MLLT10: variants seen among roughly 807,000 people sequenced by gnomAD.
The protein encoded by MLLT10 is MLLT10 histone lysine methyltransferase DOT1L cofactor.
MLLT10 carries 30 observed loss-of-function variants against 129.1 expected under a neutral mutation model. The ratio of observed to expected loss-of-function variants is 0.23; its 90% CI spans 0.17 to 0.32. The LOEUF (loss-of-function observed/expected upper bound fraction) is 0.32, where lower values mean the gene tolerates loss of function less well. Ranked by LOEUF, MLLT10 falls within the 10% of genes least tolerant of loss-of-function variation. The probability of loss-of-function intolerance (pLI) is 1.00; values close to 1 mark genes in which losing one functional copy is unlikely to be tolerated. For synonymous variants in MLLT10, 490 were observed against 446.4 expected, an observed-to-expected ratio of 1.10 and a Z score of -1.23; for missense variants, 1,119 against 1,268.3, an observed-to-expected ratio of 0.88 and a Z score of 1.79.
chr10:21,552,472 A>G lies in MLLT10; in HGVS notation c.240+13560A>G, dbSNP rs567164733. Among the ~76,000 whole-genome samples, 166 of 147,652 alleles carry G rather than the reference A, an allele frequency of 1.1e-3. 1 individual carries two copies. Among genetic ancestry groups the G allele is most frequent in the Non-Finnish European group, 2.0e-3 (131 of 67,070 alleles). Reference sequence around the variant, plus strand: ...GTGACAGTGATCTCAGCTCACTGCAACCTTCACCTCCTGGGTTCAAGCGAT... The same window carrying G: ...GTGACAGTGATCTCAGCTCACTGCAGCCTTCACCTCCTGGGTTCAAGCGAT... On this transcript the variant is annotated intron_variant, in intron 3 of 22. Transcript: ENST00000307729.
chr10:21,569,928 A>G (rs1288417965), intron 3 of MLLT10, among the ~76,000 whole-genome samples: 1 of 150,758 alleles, frequency 6.6e-6, no homozygotes, highest in African/African-American at 2.4e-5. Context: ...TTATTTCTTG[A>G]GACGGGGTGC....
At chr10:21,580,763 G>A (rs527987289) in intron 3 of MLLT10, among the ~76,000 whole-genome samples, 3 of 150,838 alleles carry the variant, frequency 2.0e-5, no homozygotes, top group South Asian at 2.1e-4. Context: ...ATGCAATGGC[G>A]CGATCTTGAC....
intron 22 of MLLT10, among the ~76,000 whole-genome samples, chr10:21,740,990 G>A (rs529344121): frequency 2.0e-5 from 3 of 152,324 alleles, no homozygotes; most frequent in African/African-American, 7.2e-5. Context: ...AGGGACTGAG[G>A]TGGGAGACTT....
chr10:21,651,905 T>TC (rs2131323817), intron 9 of MLLT10, 137 bp downstream of exon 9: 1 of 211,760 alleles, frequency 4.7e-6, no homozygotes, highest in Non-Finnish European at 8.4e-6. Flanking sequence ...TCTCATTTCT[T>TC]TTTTTTTTTT....
chr10:21,740,284 A>C (rs1408884735), intron 22 of MLLT10, 48 bp downstream of exon 22: 3 of 1,576,732 alleles, frequency 1.9e-6, no homozygotes, highest in Non-Finnish European at 2.6e-6. Context: ...AACTGTATTG[A>C]TTAATCGGAG....
intron 11 of MLLT10, among the ~76,000 whole-genome samples, chr10:21,676,281 G>C (rs2052091631): frequency 6.6e-6 from 1 of 152,028 alleles, no homozygotes; most frequent in Admixed American, 6.6e-5. Flanking sequence ...GCCCGGCATG[G>C]TGGCGGGTGC....
Position 21,534,383 on chromosome 10 carries a change from C to T in MLLT10, c.-138C>T, listed in dbSNP as rs113634034. The T allele has an allele frequency of 5.0e-6, 2 of 401,794 alleles. No individual in the cohort carries two copies. The highest frequency in any genetic ancestry group is 9.0e-6 in the Non-Finnish European group (2 of 221,784). The allele number at this position is 401,794 out of a possible 1,614,324, so 24.9% of individuals were successfully genotyped here. On this transcript the variant is annotated 5_prime_UTR_variant, in exon 1 of 23. Transcript: ENST00000307729. ...CCTCTCCGGGCGCCCGCGTTAGCGG[C>T]CGGGTGGAGGTGGGGAGGGAAGACG...
At chr10:21,658,122 A>G (rs1737530169) in intron 9 of MLLT10, among the ~76,000 whole-genome samples, 5 of 152,228 alleles carry the variant, frequency 3.3e-5, no homozygotes, top group Admixed American at 3.3e-4. Flanking sequence ...GAAGTCTAAT[A>G]TATCATAAAT....
intron 3 of MLLT10, among the ~76,000 whole-genome samples, chr10:21,547,145 C>G (rs2036212403): frequency 6.6e-6 from 1 of 152,240 alleles, no homozygotes; most frequent in Non-Finnish European, 1.5e-5. Context: ...GCTGGGATTA[C>G]AGGTGTGAGC....
intron 4 of MLLT10, among the ~76,000 whole-genome samples, chr10:21,589,958 G>A (rs2042343832): frequency 6.7e-6 from 1 of 149,350 alleles, no homozygotes; most frequent in Non-Finnish European, 1.5e-5. Flanking sequence ...TTTTTTAACA[G>A]TGTATCACTT....
intron 3 of MLLT10, among the ~76,000 whole-genome samples, chr10:21,577,447 A>T (rs2040885502): frequency 6.6e-6 from 1 of 151,362 alleles, no homozygotes; most frequent in Admixed American, 6.6e-5. Flanking sequence ...AATTACCAGC[A>T]ACAATAGATG....
chr10:21,625,823 C>T, intron 8 of MLLT10: 5 of 772,748 alleles, frequency 6.5e-6, no homozygotes, highest in South Asian at 4.0e-5. Context: ...AAATGCCTAC[C>T]CTCTATTCTG....
chr10:21,612,251 T>G, intron 5 of MLLT10, 97 bp from the exon 6 acceptor site: 2 of 631,274 alleles, frequency 3.2e-6, no homozygotes, highest in Admixed American at 3.0e-5. Flanking sequence ...GATAGGTTAC[T>G]TAGTATACCT....
intron 13 of MLLT10, among the ~76,000 whole-genome samples, chr10:21,686,608 AT>A (rs2053316547): frequency 1.3e-5 from 2 of 152,228 alleles, no homozygotes; most frequent in African/African-American, 4.8e-5. Context: ...AACCGCCTTC[AT>A]TAAGTCCTAA....
intron 3 of MLLT10, among the ~76,000 whole-genome samples, chr10:21,577,608 A>C (rs1278968839): frequency 6.6e-6 from 1 of 151,890 alleles, no homozygotes; most frequent in Non-Finnish European, 1.5e-5. Flanking sequence ...AGTAGCTGGG[A>C]TTACAGGCAC....
chr10:21,658,673 T>C (rs1230049883), intron 9 of MLLT10, among the ~76,000 whole-genome samples: 1 of 152,190 alleles, frequency 6.6e-6, no homozygotes, highest in African/African-American at 2.4e-5. Context: ...TATATGCTTT[T>C]TTTGTATGTG....
Position 21,717,876 on chromosome 10 carries a change from TCTCCTCCTCCTTCTCCTC to T in MLLT10, c.1878+3938_1878+3955del, listed in dbSNP as rs1564712349. On this transcript the variant is annotated intron_variant, in intron 14 of 22. Coordinates refer to ENST00000307729, the MANE Select transcript of MLLT10 (RefSeq NM_001195626.3). ...TTCTCCTCCTCCTTCTCCTCCTCCT[TCTCCTCCTCCTTCTCCTC>T]CTCCTCCTCCTCCTCCTTCTCCTTC... Among the ~76,000 whole-genome samples the T allele has an allele frequency of 4.9e-3, 374 of 75,578 alleles. 10 individuals are homozygous for T. Among genetic ancestry groups the T allele is most frequent in the African/African-American group, 0.02 (351 of 17,988 alleles). The allele number at this position is 75,578 out of a possible 152,430, so 49.6% of individuals were successfully genotyped here. A position where few individuals can be genotyped will look rare whatever the true frequency, so the allele number is the denominator to read the frequency against.
chr10:21,688,862 T>G (rs1268370000), intron 13 of MLLT10, among the ~76,000 whole-genome samples: 1 of 152,146 alleles, frequency 6.6e-6, no homozygotes. Context: ...CTTCTCACAC[T>G]GAGATCAGGA....
intron 13 of MLLT10, among the ~76,000 whole-genome samples, chr10:21,695,061 C>CTTTTTTTTTTTTTTT (rs71393922): frequency 9.6e-6 from 1 of 104,034 alleles, no homozygotes; most frequent in Non-Finnish European, 1.9e-5. Flanking sequence ...TTTCTACCTT[C>CTTTTTTTTTTTTTTT]TTTTTTTTTT....
Sources: allele counts gnomAD v4.1 joint callset (sites outside exome capture counted in the v4.1 genomes callset), GRCh38; gene constraint gnomAD v4.1.1; transcripts MANE v1.5; gene names NCBI Gene and HGNC (gene_info 2026-07-23, HGNC 2026-07-21).